SPATA45: variants seen among roughly 807,000 people sequenced by gnomAD.
The protein encoded by SPATA45 is spermatogenesis-associated protein 45.
In SPATA45, 5 loss-of-function variants were observed where a neutral mutation model predicts 7.0. That is an observed-to-expected ratio of 0.71 (90% confidence interval 0.37 to 1.50). SPATA45 has a LOEUF of 1.50. Ranked by LOEUF, SPATA45 falls within the 40% of genes most tolerant of loss-of-function variation. SPATA45 has a pLI of 0.03. For synonymous variants in SPATA45, 40 were observed against 38.7 expected (o/e 1.03, Z -0.13); for missense variants, 111 against 114.9 (o/e 0.97, Z 0.16).
At chr1:212,830,620 C>A (rs576282042) in intron 2 of SPATA45, among the ~76,000 whole-genome samples, 2 of 147,790 alleles carry the variant, frequency 1.4e-5, no homozygotes, top group South Asian at 2.2e-4. Flanking sequence ...TGCAGTGAGC[C>A]GAGATCACAC....
chr1:212,832,015 C>CTTTTTTTTT (rs10645815), intron 2 of SPATA45, among the ~76,000 whole-genome samples: 1 of 93,558 alleles, frequency 1.1e-5, no homozygotes, highest in Non-Finnish European at 2.0e-5. Context: ...CATTTACTTC[C>CTTTTTTTTT]TTTTTTTTTT....
intron 1 of SPATA45, among the ~76,000 whole-genome samples, chr1:212,842,247 A>G (rs1281629391): frequency 2.6e-5 from 4 of 151,688 alleles, no homozygotes; most frequent in Non-Finnish European, 5.9e-5. Context: ...GTGTGGTGGC[A>G]GGCACCTGTA....
At chr1:212,832,997 C>A (rs1663519012) in intron 2 of SPATA45, among the ~76,000 whole-genome samples, 1 of 151,526 alleles carries the variant, frequency 6.6e-6, no homozygotes. Flanking sequence ...AGGAGCCTAG[C>A]CTTCATTAGG....
chr1:212,838,986 A>G (rs1254051376), intron 1 of SPATA45, among the ~76,000 whole-genome samples: 2 of 151,318 alleles, frequency 1.3e-5, no homozygotes, highest in African/African-American at 4.8e-5. Context: ...TACAGGTGTG[A>G]GCACAGCCAC....
intron 1 of SPATA45, among the ~76,000 whole-genome samples, chr1:212,839,635 C>G (rs1302174801): frequency 1.3e-5 from 2 of 149,012 alleles, no homozygotes; most frequent in Non-Finnish European, 3.0e-5. Context: ...AAAAAAAATG[C>G]TAGGAAATAT....
At chr1:212,839,476 G>T (rs988889614) in intron 1 of SPATA45, among the ~76,000 whole-genome samples, 4 of 151,308 alleles carry the variant, frequency 2.6e-5, no homozygotes, top group Non-Finnish European at 5.9e-5. Context: ...AATTTAACTA[G>T]GTGTGGTGGC....
chr1:212,846,901 T>C (rs977333798), intron 1 of SPATA45, among the ~76,000 whole-genome samples: 4 of 152,176 alleles, frequency 2.6e-5, no homozygotes, highest in Admixed American at 2.6e-4. Context: ...TTTTTTTCTC[T>C]TTCTGAGACA....
At chr1:212,832,895 G>A (rs1217576621) in intron 2 of SPATA45, among the ~76,000 whole-genome samples, 1 of 151,488 alleles carries the variant, frequency 6.6e-6, no homozygotes, top group Non-Finnish European at 1.5e-5. Flanking sequence ...AATCAGCCAG[G>A]AAACGTTTCC....
At position 212,847,095 on chromosome 1, in the gene SPATA45, C is replaced by T. The variant is rs1354550485; in HGVS notation, c.-39+485G>A. 3.9e-5 allele frequency among the ~76,000 whole-genome samples: 6 copies of T among 152,002 alleles called. No homozygotes were observed. The South Asian group carries it at 6.2e-4, about 16-fold the overall frequency. On this transcript the variant is annotated intron_variant, in intron 1 of 2. Transcript: ENST00000332912. ...TTGTAGAGATGTCATTTTGCCATGT[C>T]GCCCAGGCTGGTCTTGAACTCCTGG...
At chr1:212,836,233 A>G in intron 1 of SPATA45, 46 bp from the exon 2 acceptor site, 2 of 1,377,726 alleles carry the variant, frequency 1.5e-6, no homozygotes, top group Non-Finnish European at 2.0e-6. Flanking sequence ...TTTGACTCAG[A>G]AGCCAGTATT....
At chr1:212,845,262 T>G (rs1158687424) in intron 1 of SPATA45, among the ~76,000 whole-genome samples, 1 of 151,996 alleles carries the variant, frequency 6.6e-6, no homozygotes, top group East Asian at 1.9e-4. Context: ...CAGGGATTGT[T>G]CAGGCCCCCT....
Position 212,837,460 on chromosome 1 carries a change from T to C in SPATA45, c.-38-1273A>G, listed in dbSNP as rs1027370429. Reference sequence around the variant, plus strand: ...CAGCCTGGCCAACATAGTGAAACCCTGTCTCTACTAAAAATACAAAAAATT... The same window carrying C: ...CAGCCTGGCCAACATAGTGAAACCCCGTCTCTACTAAAAATACAAAAAATT... On this transcript the variant is annotated intron_variant, in intron 1 of 2. Transcript: ENST00000332912. Among the ~76,000 whole-genome samples, 5 of 151,236 alleles carry C rather than the reference T, an allele frequency of 3.3e-5. No individual in the cohort carries two copies. In the South Asian group the frequency reaches 1.1e-3, roughly 32 times the overall value.
intron 1 of SPATA45, among the ~76,000 whole-genome samples, chr1:212,840,327 T>C (rs1427312430): frequency 6.6e-6 from 1 of 151,388 alleles, no homozygotes; most frequent in Non-Finnish European, 1.5e-5. Context: ...GAAGAATCAC[T>C]TGAACCCGGA....
intron 2 of SPATA45, among the ~76,000 whole-genome samples, chr1:212,831,473 TA>T (rs200413225): frequency 0.21 from 25,709 of 121,322 alleles, 2,706 homozygotes; most frequent in African/African-American, 0.31. Context: ...ACTCTGCCTC[TA>T]AAAAAAAAAA....
At chr1:212,831,164 AAAG>A (rs1431829667) in intron 2 of SPATA45, among the ~76,000 whole-genome samples, 4 of 148,984 alleles carry the variant, frequency 2.7e-5, no homozygotes, top group South Asian at 2.1e-4. Context: ...AAAAAAAAAA[AAAG>A]AAAGAAAGAA....
rs1489982507 is a variant in SPATA45, at chr1:212,835,951, C to T, written c.199G>A (p.Val67Ile). ...CAGGAGCTCCTGCCACTGTTGGGAA[C>T]AGGCTCTTTGGTTGTGGTATCAGTA... ...SFTDTTTKEPVPNSGRSSWIK... is the reference protein window; with the variant it reads ...SFTDTTTKEPIPNSGRSSWIK... Residue 67 changes from valine to isoleucine, a missense_variant, in exon 2 of 3, where the codon GTT becomes ATT. Physicochemically the swap from Val to Ile is conservative, Grantham distance 29. Coordinates refer to ENST00000332912, the MANE Select transcript of SPATA45 (RefSeq NM_001024601.3). 6.2e-7 allele frequency: 1 copy of T among 1,610,348 alleles called. No homozygotes were observed. Among genetic ancestry groups the T allele is most frequent in the Non-Finnish European group, 8.5e-7 (1 of 1,177,176 alleles).
chr1:212,831,494 C>T (rs1571988578), intron 2 of SPATA45, among the ~76,000 whole-genome samples: 1 of 149,070 alleles, frequency 6.7e-6, no homozygotes, highest in African/African-American at 2.5e-5. Flanking sequence ...AAAAAAACCT[C>T]AAATTACTAA....
At chr1:212,846,375 G>C (rs1379522739) in intron 1 of SPATA45, among the ~76,000 whole-genome samples, 3 of 152,104 alleles carry the variant, frequency 2.0e-5, no homozygotes, top group Non-Finnish European at 4.4e-5. Context: ...AATATAAGAA[G>C]ACAGGAATGT....
At chr1:212,843,344 C>G (rs1239142463) in intron 1 of SPATA45, among the ~76,000 whole-genome samples, 1 of 151,844 alleles carries the variant, frequency 6.6e-6, no homozygotes, top group Non-Finnish European at 1.5e-5. Context: ...ATCCAACTCA[C>G]AGAGTGTCAT....
Sources: allele counts gnomAD v4.1 joint callset (sites outside exome capture counted in the v4.1 genomes callset), GRCh38; gene constraint gnomAD v4.1.1; transcripts MANE v1.5; gene names NCBI Gene and HGNC (gene_info 2026-07-23, HGNC 2026-07-21).